RARB: variants seen among roughly 807,000 people sequenced by gnomAD.
RARB encodes retinoic acid receptor beta.
Under a neutral mutation model 51.9 loss-of-function variants are expected in RARB, and 17 were observed. The observed-to-expected ratio is 0.33, with a 90% CI of 0.22 to 0.49. The LOEUF (loss-of-function observed/expected upper bound fraction) is 0.49, where lower values mean the gene tolerates loss of function less well. Among genes scored for constraint, RARB ranks in the 20% least tolerant of loss-of-function variants. The pLI, the probability that RARB is intolerant of heterozygous loss-of-function variation, is 0.99. For synonymous variants in RARB, 215 were observed against 195.4 expected, an observed-to-expected ratio of 1.10 and a Z score of -0.84; for missense variants, 369 against 550.8, an observed-to-expected ratio of 0.67 and a Z score of 3.30.
At chr3:25,203,605 G>A (rs982165747) in intron 5 of RARB, among the ~76,000 whole-genome samples, 3 of 152,100 alleles carry the variant, frequency 2.0e-5, no homozygotes, top group Non-Finnish European at 4.4e-5. Context: ...CTTCCTTCAG[G>A]AGCTCTTGTA....
intron 3 of RARB, among the ~76,000 whole-genome samples, chr3:25,117,976 T>C (rs1300400628): frequency 6.6e-6 from 1 of 152,172 alleles, no homozygotes; most frequent in Non-Finnish European, 1.5e-5. Context: ...ACTGAAGTCT[T>C]ATCTCCTTTG....
chr3:25,133,364 G>A (rs753840476), intron 4 of RARB, among the ~76,000 whole-genome samples: 2 of 151,858 alleles, frequency 1.3e-5, no homozygotes, highest in Admixed American at 6.6e-5. Flanking sequence ...TGCTTTTGCC[G>A]GGATATTTTT....
rs572954439 is a variant in RARB, at chr3:25,043,702, C to T, written c.-379-16423C>T. ...ATTTTTATCTGAGTAGCATATTAAA[C>T]ATTATAAGCAAAGGTACCCTTAAGC... On this transcript the variant is annotated intron_variant, in intron 2 of 11. Transcript: ENST00000383772. 3.6e-4 allele frequency among the ~76,000 whole-genome samples: 55 copies of T among 152,192 alleles called. No homozygotes were observed. In the Middle Eastern group the frequency reaches 0.014, roughly 38 times the overall value.
intron 2 of RARB, among the ~76,000 whole-genome samples, chr3:24,865,556 G>C (rs1321358875): frequency 1.3e-5 from 2 of 152,126 alleles, no homozygotes; most frequent in African/African-American, 4.8e-5. Flanking sequence ...TGGTTCCAGA[G>C]ACCGTGCTTT....
intron 2 of RARB, among the ~76,000 whole-genome samples, chr3:25,023,505 G>GT (rs397828634): frequency 9.0e-4 from 1 of 1,114 alleles, no homozygotes; most frequent in African/African-American, 2.0e-3. Context: ...ACGCAGCTGA[G>GT]TTTGCTTCAA....
intron 4 of RARB, among the ~76,000 whole-genome samples, chr3:25,144,056 G>A (rs892320929): frequency 2.0e-5 from 3 of 152,134 alleles, no homozygotes; most frequent in African/African-American, 7.2e-5. Context: ...GAATCAATTT[G>A]CATTCCTCTT....
In RARB at chr3:25,374,550, C is replaced by T. The variant is rs148277322; in HGVS notation, c.179-86643C>T. On this transcript the variant is annotated intron_variant, in intron 5 of 11. Transcript: ENST00000383772. ...CACAGAAGTTAGTGGCCTTTGGTAA[C>T]AGAACACAGCTCCCTGCTGCTCCTA... Among the ~76,000 whole-genome samples the T allele has an allele frequency of 1.9e-3, 294 of 152,216 alleles. 5 individuals are homozygous for T. Among genetic ancestry groups the T allele is most frequent in the East Asian group, 7.9e-3 (41 of 5,158 alleles).
intron 5 of RARB, among the ~76,000 whole-genome samples, chr3:25,257,252 G>A (rs978196038): frequency 6.6e-6 from 1 of 152,080 alleles, no homozygotes; most frequent in Non-Finnish European, 1.5e-5. Flanking sequence ...GGAGGAGTGT[G>A]CTCCATTCCG....
chr3:25,089,320 C>A (rs1184288073), intron 3 of RARB, among the ~76,000 whole-genome samples: 1 of 151,748 alleles, frequency 6.6e-6, no homozygotes, highest in Non-Finnish European at 1.5e-5. Flanking sequence ...AGTAATATAG[C>A]ACAGTAATAC....
At chr3:25,464,055 CTTG>C (rs564231875) in intron 2 of RARB, among the ~76,000 whole-genome samples, 2 of 152,290 alleles carry the variant, frequency 1.3e-5, no homozygotes, top group East Asian at 1.9e-4. Context: ...ATTTTGTCCA[CTTG>C]TTGTGCAATA....
At chr3:25,290,240 A>G (rs1373425535) in intron 5 of RARB, among the ~76,000 whole-genome samples, 3 of 152,190 alleles carry the variant, frequency 2.0e-5, no homozygotes, top group Admixed American at 2.0e-4. Flanking sequence ...TTAAAGAAGC[A>G]ATCTAGCTAA....
At chr3:24,872,889 C>T (rs568071450) in intron 2 of RARB, among the ~76,000 whole-genome samples, 23 of 152,296 alleles carry the variant, frequency 1.5e-4, no homozygotes, top group South Asian at 4.1e-4. Flanking sequence ...CATCCCTGCG[C>T]GTTGACTCTC....
chr3:25,431,628 T>G (rs1442664486), intron 1 of RARB, among the ~76,000 whole-genome samples: 1 of 152,182 alleles, frequency 6.6e-6, no homozygotes, highest in African/African-American at 2.4e-5. Context: ...AGGATAAATC[T>G]TAATATTTTG....
intron 2 of RARB, among the ~76,000 whole-genome samples, chr3:24,999,566 C>T (rs753491909): frequency 2.0e-5 from 3 of 152,116 alleles, no homozygotes; most frequent in South Asian, 2.1e-4. Flanking sequence ...ATGACATCAT[C>T]GGCAGAAAAG....
chr3:25,492,989 T>TC (rs1395325235), intron 2 of RARB, among the ~76,000 whole-genome samples: 1 of 152,056 alleles, frequency 6.6e-6, no homozygotes, highest in East Asian at 1.9e-4. Context: ...TACCTTTTTT[T>TC]TTTTTTTTTA....
intron 5 of RARB, among the ~76,000 whole-genome samples, chr3:25,289,524 A>T (rs760195302): frequency 1.1e-4 from 16 of 152,340 alleles, no homozygotes; most frequent in South Asian, 6.2e-4. Context: ...ACAAAATGGC[A>T]TGCCATCATT....
chr3:25,298,339 C>G (rs937167515), intron 5 of RARB, among the ~76,000 whole-genome samples: 2 of 151,984 alleles, frequency 1.3e-5, no homozygotes, highest in African/African-American at 4.8e-5. Context: ...CGTGCCACCA[C>G]GCCTGGCTAA....
At chr3:25,190,704 CAAAGAG>C (rs1012236531) in intron 5 of RARB, among the ~76,000 whole-genome samples, 13 of 152,232 alleles carry the variant, frequency 8.5e-5, no homozygotes, top group Middle Eastern at 3.4e-3. Flanking sequence ...AAAGGAACCT[CAAAGAG>C]AAAGGGTCTC....
chr3:24,928,058 T>C (rs1276676700), intron 2 of RARB, among the ~76,000 whole-genome samples: 2 of 152,044 alleles, frequency 1.3e-5, no homozygotes. Context: ...AACAGAGCAT[T>C]GCAAGTCAAA....
Sources: allele counts gnomAD v4.1 joint callset (sites outside exome capture counted in the v4.1 genomes callset), GRCh38; gene constraint gnomAD v4.1.1; transcripts MANE v1.5; gene names NCBI Gene and HGNC (gene_info 2026-07-23, HGNC 2026-07-21).